The following MGAT5 variants were observed in gnomAD, a reference collection of about 807,000 sequenced individuals.
The protein encoded by MGAT5 is alpha-1,6-mannosylglycoprotein 6-beta-N-acetylglucosaminyltransferase.
Under a neutral mutation model 94.3 loss-of-function variants are expected in MGAT5, and 30 were observed. The ratio of observed to expected loss-of-function variants is 0.32; its 90% CI spans 0.24 to 0.43. The LOEUF (loss-of-function observed/expected upper bound fraction) is 0.43, where lower values mean the gene tolerates loss of function less well. MGAT5 is among the 20% of genes least tolerant of loss of function. The pLI is 1.00. For missense variants in MGAT5, 691 were observed against 905.5 expected (o/e 0.76, Z 3.04); for synonymous variants, 310 against 322.9 (o/e 0.96, Z 0.43).
At chr2:134,311,398 A>G (rs984683045) in intron 2 of MGAT5, among the ~76,000 whole-genome samples, 5 of 152,196 alleles carry the variant, frequency 3.3e-5, no homozygotes, top group African/African-American at 4.8e-5. Context: ...TGTCATCTCA[A>G]ACAACACCTG....
At position 134,333,085 on chromosome 2, in the gene MGAT5, G is replaced by A. The variant is rs1293625720; in HGVS notation, c.574-3132G>A. 2.0e-5 allele frequency among the ~76,000 whole-genome samples: 3 copies of A among 152,078 alleles called. No individual in the cohort carries two copies. In the East Asian group the frequency reaches 5.8e-4, roughly 29 times the overall value. On this transcript the variant is annotated intron_variant, in intron 4 of 15. Transcript: ENST00000281923. Reference sequence around the variant, plus strand: ...TTTGACCCAGCCATCCCATTACTGGGTATATAACCAAAGGACTATAAATCA... The same window carrying A: ...TTTGACCCAGCCATCCCATTACTGGATATATAACCAAAGGACTATAAATCA...
Position 134,152,222 on chromosome 2 carries a change from TATGGGACCCGCTTACCACC to T in MGAT5, c.-143+31959_-143+31977del, listed in dbSNP as rs541674057. Among the ~76,000 whole-genome samples, 2,479 of 139,882 alleles carry T rather than the reference TATGGGACCCGCTTACCACC, an allele frequency of 0.018. 211 individuals are homozygous for T. The East Asian group carries it at 0.2, about 11-fold the overall frequency. 91.8% of individuals were successfully genotyped at this position (139,882 alleles called of 152,430 possible). A position where few individuals can be genotyped will look rare whatever the true frequency, so the allele number is the denominator to read the frequency against. On this transcript the variant is annotated intron_variant, in intron 1 of 16. Transcript: ENST00000409645. The stretch of plus-strand genomic sequence containing the variant: ...CCGCCATGGGAACTCACTCACACCC[TATGGGACCCGCTTACCACC>T]ATGGGACCCGCTTACCACCATGGGA...
rs537161543 is a variant in MGAT5 at position 134,205,367 on chromosome 2, A to C, written c.-142-48895A>C. ...GGAGGTGAGGGTAGCTTGGAATGAGATTGAAATAGTGGAGATAGTGAAAAT... is the reference window on the plus strand; with the variant it reads ...GGAGGTGAGGGTAGCTTGGAATGAGCTTGAAATAGTGGAGATAGTGAAAAT... On this transcript the variant is annotated intron_variant, in intron 1 of 16. Coordinates refer to the MGAT5 transcript ENST00000409645. Among the ~76,000 whole-genome samples the C allele has an allele frequency of 1.8e-4, 28 of 152,150 alleles. 1 individual carries two copies. The South Asian group carries it at 5.2e-3, about 28-fold the overall frequency.
intron 1 of MGAT5, among the ~76,000 whole-genome samples, chr2:134,140,378 G>T (rs1449268017): frequency 6.6e-6 from 1 of 152,212 alleles, no homozygotes; most frequent in Non-Finnish European, 1.5e-5. Flanking sequence ...TAGAATGGGG[G>T]ACAAGGCACT....
intron 1 of MGAT5, among the ~76,000 whole-genome samples, chr2:134,193,817 A>G (rs1191161316): frequency 6.6e-6 from 1 of 151,440 alleles, no homozygotes; most frequent in Non-Finnish European, 1.5e-5. Flanking sequence ...GCTAGATCCC[A>G]TTTTTGGATC....
chr2:134,182,789 T>TG (rs1302637563), intron 1 of MGAT5, among the ~76,000 whole-genome samples: 6 of 141,812 alleles, frequency 4.2e-5, no homozygotes, highest in African/African-American at 8.2e-5. Flanking sequence ...AGTTTTTTTT[T>TG]TTTTTTTTTT....
intron 1 of MGAT5, among the ~76,000 whole-genome samples, chr2:134,144,413 G>C (rs1255733860): frequency 6.6e-6 from 1 of 152,128 alleles, no homozygotes; most frequent in Non-Finnish European, 1.5e-5. Flanking sequence ...CTTACTCACT[G>C]TCAGGAGAAT....
At chr2:134,427,814 C>T (rs752864143) in intron 13 of MGAT5, among the ~76,000 whole-genome samples, 4 of 152,222 alleles carry the variant, frequency 2.6e-5, no homozygotes, top group African/African-American at 7.2e-5. Flanking sequence ...GTGAGTTCTT[C>T]GGATATAGGC....
chr2:134,145,114 T>A (rs1686849414), intron 1 of MGAT5, among the ~76,000 whole-genome samples: 1 of 152,164 alleles, frequency 6.6e-6, no homozygotes, highest in African/African-American at 2.4e-5. Context: ...CTGTTTGCTC[T>A]TTTTTTCCCC....
intron 2 of MGAT5, among the ~76,000 whole-genome samples, chr2:134,283,301 A>G (rs975386769): frequency 3.2e-5 from 4 of 123,770 alleles, no homozygotes; most frequent in Admixed American, 1.6e-4. Flanking sequence ...GGGCTGGCAC[A>G]TGGTTAAGTG....
chr2:134,230,583 T>C lies in MGAT5; in HGVS notation c.-142-23679T>C, dbSNP rs61637545. Among the ~76,000 whole-genome samples the C allele has an allele frequency of 7.7e-3, 1,171 of 152,326 alleles. 12 individuals carry two copies. Among genetic ancestry groups the C allele is most frequent in the East Asian group, 0.033 (171 of 5,188 alleles). On this transcript the variant is annotated intron_variant, in intron 1 of 16. Transcript: ENST00000409645. ...TCTGCTCTTTATACATTCTATGTAT[T>C]AAAACATCACTATGTACCCCTTGAC... is the stretch of plus-strand genomic sequence containing the variant.
At chr2:134,146,170 A>G (rs141177203) in intron 1 of MGAT5, among the ~76,000 whole-genome samples, 1 of 152,158 alleles carries the variant, frequency 6.6e-6, no homozygotes, top group Non-Finnish European at 1.5e-5. Flanking sequence ...TTCATAGGAG[A>G]CAAAAAATTT....
rs771368393 is a variant in MGAT5 at position 134,341,762 on chromosome 2, A to G, written c.977+3A>G. 2.5e-6 allele frequency: 4 copies of G among 1,597,418 alleles called. No individual in the cohort carries two copies. The highest frequency in any genetic ancestry group is 3.4e-6 in the Non-Finnish European group (4 of 1,174,386). On this transcript the variant is annotated splice_donor_region_variant and intron_variant, in intron 7 of 15. Transcript: ENST00000281923. ...GCTTCACTGGCTGAGCTCAAGGAGTAAGGAGATTACTTTTCAATTTTAAAA... is the reference window on the plus strand; with the variant it reads ...GCTTCACTGGCTGAGCTCAAGGAGTGAGGAGATTACTTTTCAATTTTAAAA...
chr2:134,416,384 T>C (rs1683966701), intron 12 of MGAT5, among the ~76,000 whole-genome samples: 1 of 152,190 alleles, frequency 6.6e-6, no homozygotes, highest in Non-Finnish European at 1.5e-5. Flanking sequence ...TGGAACCATA[T>C]AATGTCTGTC....
chr2:134,156,535 C>T (rs1413211854), intron 1 of MGAT5, among the ~76,000 whole-genome samples: 2 of 152,070 alleles, frequency 1.3e-5, no homozygotes, highest in Non-Finnish European at 2.9e-5. Flanking sequence ...TTATAGAGGC[C>T]CAAAGCAAGG....
At position 134,338,424 on chromosome 2, in the gene MGAT5, AG is replaced by A; in HGVS notation, c.807+5del. On this transcript the variant is annotated splice_donor_5th_base_variant and intron_variant, in intron 6 of 15. Coordinates refer to ENST00000281923, the MANE Select transcript of MGAT5 (RefSeq NM_002410.5). ...TGAAAAGAGAAAGCGGAAGAAAGTG[AG>A]TTTCTTATTAATTCAGTGCAGTTAG... 6.3e-7 allele frequency: 1 copy of A among 1,595,930 alleles called. No individual in the cohort carries two copies.
At chr2:134,316,915 G>T (rs1039223231) in intron 2 of MGAT5, among the ~76,000 whole-genome samples, 2 of 152,166 alleles carry the variant, frequency 1.3e-5, no homozygotes, top group African/African-American at 4.8e-5. Context: ...TATAAAAGGA[G>T]TTTATTGTGA....
chr2:134,221,231 G>A (rs1021259585), intron 1 of MGAT5, among the ~76,000 whole-genome samples: 11 of 152,204 alleles, frequency 7.2e-5, no homozygotes, highest in Non-Finnish European at 1.5e-4. Context: ...TTTTAGGAAG[G>A]CAGGAGACAT....
intron 2 of MGAT5, among the ~76,000 whole-genome samples, chr2:134,316,752 ACT>A (rs549706228): frequency 1.9e-4 from 29 of 152,178 alleles, no homozygotes; most frequent in African/African-American, 6.3e-4. Flanking sequence ...CTGTAGGATG[ACT>A]CTAGTTCACA....
Sources: allele counts gnomAD v4.1 joint callset (sites outside exome capture counted in the v4.1 genomes callset), GRCh38; gene constraint gnomAD v4.1.1; transcripts MANE v1.5; gene names NCBI Gene and HGNC (gene_info 2026-07-23, HGNC 2026-07-21).